The following TAS2R1 variants were observed in gnomAD, a reference collection of about 807,000 sequenced individuals.
TAS2R1 encodes the protein taste 2 receptor member 1, also known as taste receptor type 2 member 1.
For synonymous variants in TAS2R1, 141 were observed against 134.2 expected, an observed-to-expected ratio of 1.05 and a Z score of -0.35; for missense variants, 370 against 353.4, an observed-to-expected ratio of 1.05 and a Z score of -0.38.
chr5:9,668,392 A>G (rs1284830876), intron 1 of TAS2R1, among the ~76,000 whole-genome samples: 2 of 152,204 alleles, frequency 1.3e-5, no homozygotes, highest in Admixed American at 1.3e-4. Flanking sequence ...CCAATATTCA[A>G]TCAAGAAAAT....
At chr5:9,796,406 G>A in the TAS2R1 span, among the ~76,000 whole-genome samples, 1 of 152,118 alleles carries the variant, frequency 6.6e-6, no homozygotes, top group African/African-American at 2.4e-5. Context: ...GGTAGGGAGA[G>A]GACAATTCAA....
the TAS2R1 span, among the ~76,000 whole-genome samples, chr5:9,896,581 C>A: frequency 2.6e-5 from 4 of 152,180 alleles, no homozygotes; most frequent in African/African-American, 9.7e-5. Flanking sequence ...ACTTGAAGAT[C>A]ATTTCCACTT....
intron 1 of TAS2R1, among the ~76,000 whole-genome samples, chr5:9,673,151 G>A (rs72733010): frequency 0.14 from 21,538 of 151,900 alleles, 1,913 homozygotes; most frequent in South Asian, 0.21. Flanking sequence ...AAGGGTGGAT[G>A]GTGGGAGGAG....
chr5:9,850,280 C>T, the TAS2R1 span, among the ~76,000 whole-genome samples: 1 of 152,166 alleles, frequency 6.6e-6, no homozygotes, highest in African/African-American at 2.4e-5. Context: ...CTGTTACTTC[C>T]ACAAGCCTCT....
chr5:9,837,287 G>T, the TAS2R1 span, among the ~76,000 whole-genome samples: 180 of 152,324 alleles, frequency 1.2e-3, no homozygotes, highest in African/African-American at 4.2e-3. Flanking sequence ...TGTGCCAGCT[G>T]CTCTCTGTAG....
chr5:9,877,579 A>G, the TAS2R1 span, among the ~76,000 whole-genome samples: 1 of 152,244 alleles, frequency 6.6e-6, no homozygotes. Context: ...TCTGTCATCA[A>G]TTGTAGTAAC....
the TAS2R1 span, among the ~76,000 whole-genome samples, chr5:9,786,450 A>C: frequency 6.6e-6 from 1 of 152,176 alleles, no homozygotes; most frequent in African/African-American, 2.4e-5. Context: ...AAGGGATGTG[A>C]ATTTCAAAGG....
chr5:9,660,888 G>C (rs921956305), intron 1 of TAS2R1, among the ~76,000 whole-genome samples: 2 of 152,136 alleles, frequency 1.3e-5, no homozygotes, highest in Non-Finnish European at 2.9e-5. Context: ...AAAAGTTATA[G>C]GAGCTCAGGG....
chr5:9,650,507 T>C lies in TAS2R1; in HGVS notation c.-81+8914A>G, dbSNP rs73743129. On this transcript the variant is annotated intron_variant, in intron 2 of 2. Transcript: ENST00000506620. The stretch of plus-strand genomic sequence containing the variant: ...TGGGGATTACACAACTCTATGCCTC[T>C]AATATTATGTTGGGCTTTGTTGGAC... Among the ~76,000 whole-genome samples, 1,370 of 152,220 alleles carry C rather than the reference T, an allele frequency of 9.0e-3. 23 individuals are homozygous for C. Among genetic ancestry groups the C allele is most frequent in the African/African-American group, 0.03 (1,261 of 41,528 alleles).
chr5:9,889,667 C>A, the TAS2R1 span: 25,612 of 152,118 alleles, frequency 0.17, 3,159 homozygotes, highest in African/African-American at 0.35. Context: ...AGTGATGTAA[C>A]CAGACATCAG....
chr5:9,831,545 G>A, the TAS2R1 span, among the ~76,000 whole-genome samples: 6 of 151,874 alleles, frequency 4.0e-5, no homozygotes, highest in African/African-American at 1.4e-4. Context: ...ACGTGAGTAT[G>A]GGGGATGCAA....
the TAS2R1 span, among the ~76,000 whole-genome samples, chr5:9,755,494 G>A: frequency 6.6e-6 from 1 of 151,546 alleles, no homozygotes; most frequent in Non-Finnish European, 1.5e-5. Context: ...GGCTGAGGCG[G>A]GAGAATTGCT....
rs553351148 is a variant in TAS2R1 at position 9,666,227 on chromosome 5, G to C, written c.-241-6646C>G. On this transcript the variant is annotated intron_variant, in intron 1 of 2. Coordinates refer to the TAS2R1 transcript ENST00000506620. ...ATTTATTGAAGCAGATGCTCTGACTGGAAGCAAAATCAAAATCTAATTAAG... is the reference window on the plus strand; with the variant it reads ...ATTTATTGAAGCAGATGCTCTGACTCGAAGCAAAATCAAAATCTAATTAAG... 7.2e-5 allele frequency among the ~76,000 whole-genome samples: 11 copies of C among 152,246 alleles called. No homozygotes were observed. In the South Asian group the frequency reaches 2.3e-3, roughly 32 times the overall value.
intron 1 of TAS2R1, among the ~76,000 whole-genome samples, chr5:9,688,864 T>C (rs1380358146): frequency 1.3e-5 from 2 of 152,124 alleles, no homozygotes; most frequent in Admixed American, 1.3e-4. Flanking sequence ...AGGGCGGGAA[T>C]GGAGCAGTGG....
intron 1 of TAS2R1, among the ~76,000 whole-genome samples, chr5:9,704,159 A>T (rs1383992500): frequency 6.6e-6 from 1 of 152,192 alleles, no homozygotes; most frequent in East Asian, 1.9e-4. Flanking sequence ...ATCACTAGAC[A>T]GAGCTAGGAT....
the TAS2R1 span, among the ~76,000 whole-genome samples, chr5:9,808,607 A>C: frequency 6.6e-6 from 1 of 152,356 alleles, no homozygotes; most frequent in Non-Finnish European, 1.5e-5. Context: ...AGCCACCTCA[A>C]CAGAAGCAAG....
chr5:9,640,288 CAGTT>C (rs146556616), intron 2 of TAS2R1, among the ~76,000 whole-genome samples: 4,149 of 151,962 alleles, frequency 0.027, 67 homozygotes, highest in Middle Eastern at 0.078. Context: ...TGTTTGGACA[CAGTT>C]GGTGGTGTCC....
At chr5:9,648,448 G>A (rs1740240008) in intron 2 of TAS2R1, among the ~76,000 whole-genome samples, 1 of 151,914 alleles carries the variant, frequency 6.6e-6, no homozygotes, top group South Asian at 2.1e-4. Context: ...ACATATGAAT[G>A]TCTTCTGTAA....
intron 1 of TAS2R1, among the ~76,000 whole-genome samples, chr5:9,685,024 C>A (rs1741099288): frequency 6.6e-6 from 1 of 152,076 alleles, no homozygotes. Flanking sequence ...CAGAACAGGG[C>A]CTGGAAGCTC....
Sources: gnomAD v4.1 joint callset for allele counts (sites outside exome capture counted in the v4.1 genomes callset) on GRCh38, gnomAD v4.1.1 for gene constraint, MANE v1.5 for transcripts, NCBI Gene and HGNC (gene_info 2026-07-23, HGNC 2026-07-21) for gene names.